IRF2BP1: variants seen among roughly 807,000 people sequenced by gnomAD.
The protein encoded by IRF2BP1 is interferon regulatory factor 2 binding protein 1, also known as interferon regulatory factor 2-binding protein 1.
Under a neutral mutation model 38.6 loss-of-function variants are expected in IRF2BP1, and 9 were observed. The ratio of observed to expected loss-of-function variants is 0.23; its 90% CI spans 0.14 to 0.41. The LOEUF is 0.41. IRF2BP1 is among the 10% of genes least tolerant of loss of function. The pLI, the probability that IRF2BP1 is intolerant of heterozygous loss-of-function variation, is 1.00. For missense variants in IRF2BP1, 631 were observed against 829.6 expected (o/e 0.76, Z 2.94); for synonymous variants, 416 against 383.4 (o/e 1.08, Z -0.99).
chr19:45,884,689 G>T lies in IRF2BP1; in HGVS notation c.1086C>A (p.Leu362=), dbSNP rs764670248. 1 of 1,605,740 alleles carries T rather than the reference G, an allele frequency of 6.2e-7. No homozygotes were observed. Residue 362 remains leucine, a synonymous_variant, in exon 1 of 1, where the codon CTC becomes CTA. Coordinates refer to ENST00000302165, the MANE Select transcript of IRF2BP1 (RefSeq NM_015649.3). ...ATGGGGCTCGCGGGGGTGGGCCACA[G>T]AGAGCCGCAGGGGCCGGCTCTGGGT... ...QQYPEPAPAA[L]CGPPPRAPSR...
In IRF2BP1 at chr19:45,884,803, T is replaced by C; in HGVS notation, c.972A>G (p.Ser324=). 6.2e-7 allele frequency: 1 copy of C among 1,612,788 alleles called. No individual in the cohort carries two copies. Among genetic ancestry groups the C allele is most frequent in the Non-Finnish European group, 8.5e-7 (1 of 1,180,014 alleles). Residue 324 remains serine (S), a synonymous_variant, in exon 1 of 1, where the codon TCA becomes TCG. Coordinates refer to ENST00000302165, the MANE Select transcript of IRF2BP1 (RefSeq NM_015649.3). ...GCTCGCCCAGCTGCCGCCATTCTCC[T>C]GATCCATGCCGGCGTTCATATTCGA... The part of the protein sequence containing the change: ...KYLEYERRHG[S]GEWRQLGELL...
rs1600557237 is a variant in IRF2BP1 at position 45,883,951 on chromosome 19, G to T, written c.*69C>A. On this transcript the variant is annotated 3_prime_UTR_variant, in exon 1 of 1. Transcript: ENST00000302165. ...GTGGCACTGGGCTGGGTCGGGGAGG[G>T]AATAATTTATCCGCGGCAGCGGTGG... The T allele has an allele frequency of 2.1e-6, 3 of 1,416,146 alleles. No individual in the cohort carries two copies. The highest frequency in any genetic ancestry group is 1.4e-5 in the South Asian group (1 of 72,172). 87.7% of individuals were successfully genotyped at this position (1,416,146 alleles called of 1,614,324 possible).
chr19:45,885,121 C>T lies in IRF2BP1; in HGVS notation c.654G>A (p.Arg218=), dbSNP rs3826892. 6.2e-7 allele frequency: 1 copy of T among 1,611,468 alleles called. No homozygotes were observed. Among genetic ancestry groups the T allele is most frequent in the Admixed American group, 1.7e-5 (1 of 60,026 alleles). Residue 218 remains arginine, a synonymous_variant, in exon 1 of 1, where the codon CGG becomes CGA. Coordinates refer to ENST00000302165, the MANE Select transcript of IRF2BP1 (RefSeq NM_015649.3). ...LAELNEAMRG[R]AEEWHGRPKA... ...TGGGGCGCCCGTGCCATTCCTCTGC[C>T]CGGCCTCGCATGGCCTCGTTCAGTT...
rs747233286 is a variant in IRF2BP1 at position 45,884,415 on chromosome 19, G to C, written c.1360C>G (p.Pro454Ala). Residue 454 changes from proline (P) to alanine (A), a missense_variant, in exon 1 of 1, where the codon CCT (proline) becomes GCT (alanine). Coordinates refer to ENST00000302165, the MANE Select transcript of IRF2BP1 (RefSeq NM_015649.3). ...GGPVRAGGAS[P>A]AASSTAQPPT... ...GGCTGGGCCGTGGAGGAGGCTGCAG[G>C]GCTGGCGCCCCCTGCACGCACAGGC... 3 of 1,600,210 alleles carry C rather than the reference G, an allele frequency of 1.9e-6. No individual in the cohort carries two copies. The highest frequency in any genetic ancestry group is 2.7e-5 in the African/African-American group (2 of 74,826).
rs1473580490 is a variant in IRF2BP1 at position 45,884,257 on chromosome 19, G to A, written c.1518C>T (p.Cys506=). 6.2e-7 allele frequency: 1 copy of A among 1,609,638 alleles called. No individual in the cohort carries two copies. The highest frequency in any genetic ancestry group is 1.7e-4 in the Middle Eastern group (1 of 6,048). ...TPGAPLCCTL[C]RERLEDTHFV... ...AGTGGGTGTCTTCTAGCCGCTCCCT[G>A]CACAGGGTACAGCACAGGGGGGCCC... Residue 506 remains cysteine (C), a synonymous_variant, in exon 1 of 1, where the codon TGC becomes TGT. Coordinates refer to ENST00000302165, the MANE Select transcript of IRF2BP1 (RefSeq NM_015649.3).
In IRF2BP1 at chr19:45,884,133, TCGGGCAGTACA is replaced by T; in HGVS notation, c.1631_1641del (p.Val544GlufsTer32). 6.2e-7 allele frequency: 1 copy of T among 1,613,238 alleles called. No individual in the cohort carries two copies. Among genetic ancestry groups the T allele is most frequent in the Non-Finnish European group, 8.5e-7 (1 of 1,179,862 alleles). On this transcript the variant is annotated frameshift_variant, in exon 1 of 1. Transcript: ENST00000302165. LOFTEE classifies it high-confidence loss of function. ...CCGACCAGCGGGCACTTGTCTCCGC[TCGGGCAGTACA>T]CCTCCCCGGCCGGGCCCTGCGCCTT...
chr19:45,884,265 T>A lies in IRF2BP1; in HGVS notation c.1510A>T (p.Thr504Ser), dbSNP rs774513315. Residue 504 changes from threonine (T) to serine (S), a missense_variant, in exon 1 of 1, where the codon ACC becomes TCC. Physicochemically the swap from Thr to Ser is moderately conservative, Grantham distance 58. This residue lies in a region of IRF2BP1 where 201 missense variants were observed against 215.3 expected (regional missense o/e 0.93). Transcript: ENST00000302165. Reference protein sequence around the residue: ...GATPGAPLCCTLCRERLEDTH... With the variant: ...GATPGAPLCCSLCRERLEDTH... The stretch of plus-strand genomic sequence containing the variant: ...TCTTCTAGCCGCTCCCTGCACAGGG[T>A]ACAGCACAGGGGGGCCCCAGGGGTC... 1 of 1,610,142 alleles carries A rather than the reference T, an allele frequency of 6.2e-7. No homozygotes were observed. Among genetic ancestry groups the A allele is most frequent in the South Asian group, 1.1e-5 (1 of 90,718 alleles).
chr19:45,885,920 GC>G lies in IRF2BP1; in HGVS notation c.-147del, dbSNP rs1967050308. The G allele has an allele frequency of 5.3e-6, 5 of 942,296 alleles. No individual in the cohort carries two copies. The highest frequency in any genetic ancestry group is 7.3e-6 in the Non-Finnish European group (5 of 686,286). 58.4% of individuals were successfully genotyped at this position (942,296 alleles called of 1,614,324 possible). On this transcript the variant is annotated 5_prime_UTR_variant, in exon 1 of 1. Transcript: ENST00000302165. ...GGCCTCCCCGCCGGATCCAGGCCCG[GC>G]CCCCCTTCCCCGCCCCCTGGGCCCT... is the stretch of plus-strand genomic sequence containing the variant.
chr19:45,883,998 G>A lies in IRF2BP1; in HGVS notation c.*22C>T. The A allele has an allele frequency of 6.5e-7, 1 of 1,536,410 alleles. No homozygotes were observed. The highest frequency in any genetic ancestry group is 8.8e-7 in the Non-Finnish European group (1 of 1,137,486). The stretch of plus-strand genomic sequence containing the variant: ...GTGGGTGGCAAAGGGGCAGAGGGCA[G>A]TAGCCTGGAGGCAGTGGTAGCCTAG... On this transcript the variant is annotated 3_prime_UTR_variant, in exon 1 of 1. Transcript: ENST00000302165.
In IRF2BP1 at chr19:45,886,120, C is replaced by T. The variant is rs1967053772; in HGVS notation, c.-346G>A. ...CCGCCGCCGCTGCAACGGCCGCCGCCGCCTCCACCTCCTTCTTCTGCCCCA... is the reference window on the plus strand; with the variant it reads ...CCGCCGCCGCTGCAACGGCCGCCGCTGCCTCCACCTCCTTCTTCTGCCCCA... On this transcript the variant is annotated 5_prime_UTR_variant, in exon 1 of 1. Coordinates refer to ENST00000302165, the MANE Select transcript of IRF2BP1 (RefSeq NM_015649.3). The T allele has an allele frequency of 1.0e-5, 2 of 197,272 alleles. No homozygotes were observed. The highest frequency in any genetic ancestry group is 1.2e-4 in the East Asian group (1 of 8,400). 12.2% of individuals were successfully genotyped at this position (197,272 alleles called of 1,614,324 possible).
chr19:45,885,365 G>T lies in IRF2BP1; in HGVS notation c.410C>A (p.Ala137Asp). Residue 137 changes from alanine to aspartate, a missense_variant, in exon 1 of 1, where the codon GCC (alanine) becomes GAC (aspartate). Ala to Asp is a moderately radical substitution (Grantham distance 126, BLOSUM62 -2). Coordinates refer to ENST00000302165, the MANE Select transcript of IRF2BP1 (RefSeq NM_015649.3). ...ALEYTLGSRL[A>D]NGLGREEAVA... ...GGCCTCCTCACGGCCCAGCCCATTGGCCAGGCGGGACCCCAGAGTGTACTC... is the reference window on the plus strand; with the variant it reads ...GGCCTCCTCACGGCCCAGCCCATTGTCCAGGCGGGACCCCAGAGTGTACTC... 6.2e-7 allele frequency: 1 copy of T among 1,608,890 alleles called. No homozygotes were observed.
Position 45,883,735 on chromosome 19 carries a change from AG to A in IRF2BP1, c.*284del. On this transcript the variant is annotated 3_prime_UTR_variant, in exon 1 of 1. Transcript: ENST00000302165. ...TTCAGGAGGTCCCTTCTCAAGGAGG[AG>A]GGGGGCACCTCTCCCCCAACTACAA... 1 of 355,868 alleles carries A rather than the reference AG, an allele frequency of 2.8e-6. No individual in the cohort carries two copies. The highest frequency in any genetic ancestry group is 5.1e-6 in the Non-Finnish European group (1 of 196,766). 22.0% of individuals were successfully genotyped at this position (355,868 alleles called of 1,614,324 possible).
chr19:45,884,749 G>T lies in IRF2BP1; in HGVS notation c.1026C>A (p.Arg342=). The T allele has an allele frequency of 6.2e-7, 1 of 1,611,484 alleles. No homozygotes were observed. The highest frequency in any genetic ancestry group is 8.5e-7 in the Non-Finnish European group (1 of 1,179,722). ...GCAGGGCCTCCGCGGGAGCTGGCTC[G>T]CGGAAGCTGCGGACGCCGTCGGTAA... ...ELLTDGVRSF[R]EPAPAEALPQ... The change falls in exon 1 of 1, where the codon CGC becomes CGA. Residue 342 remains arginine, a synonymous_variant. Coordinates refer to ENST00000302165, the MANE Select transcript of IRF2BP1 (RefSeq NM_015649.3).
chr19:45,885,574 G>C lies in IRF2BP1; in HGVS notation c.201C>G (p.Pro67=), dbSNP rs372040415. The change falls in exon 1 of 1, where the codon CCC becomes CCG. Residue 67 remains proline, a synonymous_variant. Transcript: ENST00000302165. The stretch of plus-strand genomic sequence containing the variant: ...CCGGGTGCTTAAGGGCCGGGGGCCC[G>C]GGCGAGCGGCCCTCGGGGAGCACGT... ...RSHVLPEGRS[P]GPPALKHPAT... 3 of 1,483,306 alleles carry C rather than the reference G, an allele frequency of 2.0e-6. No individual in the cohort carries two copies. The highest frequency in any genetic ancestry group is 2.1e-4 in the Middle Eastern group (1 of 4,718). 91.9% of individuals were successfully genotyped at this position (1,483,306 alleles called of 1,614,324 possible).
Position 45,885,628 on chromosome 19 carries a change from G to C in IRF2BP1, c.147C>G (p.Ile49Met). 1 of 1,553,876 alleles carries C rather than the reference G, an allele frequency of 6.4e-7. No individual in the cohort carries two copies. The highest frequency in any genetic ancestry group is 8.6e-7 in the Non-Finnish European group (1 of 1,161,620). Residue 49 changes from isoleucine to methionine, a missense_variant, in exon 1 of 1, where the codon ATC (isoleucine) becomes ATG (methionine). Ile to Met is a conservative substitution (Grantham distance 10). This residue lies in a region of IRF2BP1 where 206 missense variants were observed against 207.0 expected (regional missense o/e 1.00). Coordinates refer to ENST00000302165, the MANE Select transcript of IRF2BP1 (RefSeq NM_015649.3). ...FEGADRIELL[I>M]DAARQLKRSH... ...TGCGCTTGAGCTGGCGGGCGGCATC[G>C]ATGAGCAGTTCGATGCGGTCCGCGC...
In IRF2BP1 at chr19:45,885,256, G is replaced by T; in HGVS notation, c.519C>A (p.Gly173=). ...CCAGCGTCAGGCCTCGGCTTCCCAG[G>T]CCAGACACTGCAGCTGCCAGCAGCC... ...PPGLLAAAVS[G]LGSRGLTLAP... Residue 173 remains glycine (G), a synonymous_variant, in exon 1 of 1, where the codon GGC becomes GGA. Transcript: ENST00000302165. 1 of 1,603,202 alleles carries T rather than the reference G, an allele frequency of 6.2e-7. No individual in the cohort carries two copies. The highest frequency in any genetic ancestry group is 8.5e-7 in the Non-Finnish European group (1 of 1,179,926).
In IRF2BP1 at chr19:45,886,105, T is replaced by TGCAACGGCCGCCGCCGCC. The variant is rs1219714665; in HGVS notation, c.-349_-332dup. On this transcript the variant is annotated 5_prime_UTR_variant, in exon 1 of 1. Coordinates refer to ENST00000302165, the MANE Select transcript of IRF2BP1 (RefSeq NM_015649.3). The stretch of plus-strand genomic sequence containing the variant: ...CTCCCGCCGCTCTCGCCGCCGCCGC[T>TGCAACGGCCGCCGCCGCC]GCAACGGCCGCCGCCGCCTCCACCT... 2 of 201,582 alleles carry TGCAACGGCCGCCGCCGCC rather than the reference T, an allele frequency of 9.9e-6. No individual in the cohort carries two copies. The highest frequency in any genetic ancestry group is 2.0e-5 in the Non-Finnish European group (2 of 100,390). 12.5% of individuals were successfully genotyped at this position (201,582 alleles called of 1,614,324 possible).
chr19:45,883,897 GGAA>G lies in IRF2BP1; in HGVS notation c.*120_*122del. The stretch of plus-strand genomic sequence containing the variant: ...TCTACCCCAGGGGACCCATCTGGGT[GGAA>G]GAAGGGAGTATGTACACAGATAGAG... On this transcript the variant is annotated 3_prime_UTR_variant, in exon 1 of 1. Transcript: ENST00000302165. 1.1e-6 allele frequency: 1 copy of G among 935,802 alleles called. No homozygotes were observed. The highest frequency in any genetic ancestry group is 1.5e-6 in the Non-Finnish European group (1 of 653,078). The allele number at this position is 935,802 out of a possible 1,614,324, so 58.0% of individuals were successfully genotyped here. A position where few individuals can be genotyped will look rare whatever the true frequency, so the allele number is the denominator to read the frequency against.
rs773546140 is a variant in IRF2BP1, at chr19:45,885,286, G to C, written c.489C>G (p.Pro163=). 5.0e-6 allele frequency: 8 copies of C among 1,603,366 alleles called. No homozygotes were observed. The African/African-American group carries it at 1.1e-4, about 21-fold the overall frequency. The change falls in exon 1 of 1, where the codon CCC becomes CCG. Residue 163 remains proline (P), a synonymous_variant. Coordinates refer to ENST00000302165, the MANE Select transcript of IRF2BP1 (RefSeq NM_015649.3). ...ACACTGCAGCTGCCAGCAGCCCAGG[G>C]GGCATCAAGCCAGGCATGGAGCCAA... The part of the protein sequence containing the change: ...ALLGSMPGLM[P]PGLLAAAVSG...
Sources: allele counts gnomAD v4.1 joint callset, GRCh38; gene constraint gnomAD v4.1.1; regional missense constraint gnomAD v4.1.1; transcripts MANE v1.5; gene names NCBI Gene and HGNC (gene_info 2026-07-23, HGNC 2026-07-21).